The following TUB variants were observed in gnomAD, a reference collection of about 807,000 sequenced individuals.
The protein encoded by TUB is tubby protein homolog.
Under a neutral mutation model 59.7 loss-of-function variants are expected in TUB, and 33 were observed. That is an observed-to-expected ratio of 0.55 (90% CI 0.42 to 0.74). The LOEUF is 0.74. Ranked by LOEUF, TUB falls within the 30% of genes least tolerant of loss-of-function variation. The pLI, the probability that TUB is intolerant of heterozygous loss-of-function variation, is 0.00. For missense variants in TUB, 659 were observed against 672.0 expected (o/e 0.98, Z 0.21); for synonymous variants, 293 against 256.4 (o/e 1.14, Z -1.36).
rs767647798 is a variant in TUB at position 8,100,585 on chromosome 11, C to T, written c.1199C>T (p.Ser400Phe). ...PGMNMVHERV[S>F]IRPRNEHETL... ...ATGAACATGGTTCATGAGAGAGTCT[C>T]TATCCGCCCCCGCAACGTGAGTGTC... The change falls in exon 10 of 12, where the codon TCT (serine) becomes TTT (phenylalanine). Residue 400 changes from serine to phenylalanine, a missense_variant. By Grantham distance (155) the Ser-to-Phe change is radical. This residue lies in a region of TUB where 226 missense variants were observed against 210.8 expected (regional missense o/e 1.07). Transcript: ENST00000299506. 3 of 1,614,072 alleles carry T rather than the reference C, an allele frequency of 1.9e-6. No homozygotes were observed. Among genetic ancestry groups the T allele is most frequent in the Non-Finnish European group, 2.5e-6 (3 of 1,179,990 alleles).
At chr11:8,087,822 G>T (rs932718780) in intron 1 of TUB, among the ~76,000 whole-genome samples, 3 of 152,188 alleles carry the variant, frequency 2.0e-5, no homozygotes, top group Non-Finnish European at 4.4e-5. Context: ...GGCATTTTGC[G>T]CTCTGGTCCT....
At chr11:8,024,724 T>C (rs1942477269) in intron 1 of TUB, among the ~76,000 whole-genome samples, 1 of 152,230 alleles carries the variant, frequency 6.6e-6, no homozygotes, top group Non-Finnish European at 1.5e-5. Flanking sequence ...TGAAGAAGGA[T>C]TGTTAGTTTC....
chr11:8,085,456 A>T (rs530753408), intron 1 of TUB, among the ~76,000 whole-genome samples: 30 of 152,322 alleles, frequency 2.0e-4, no homozygotes, highest in African/African-American at 6.7e-4. Context: ...CTGGAGCTGC[A>T]CTGGTTCCCA....
At chr11:8,085,203 G>A (rs1039097867) in intron 1 of TUB, among the ~76,000 whole-genome samples, 15 of 152,340 alleles carry the variant, frequency 9.8e-5, no homozygotes, top group African/African-American at 3.6e-4. Context: ...ATCACCAGCT[G>A]TGGCTCGTGG....
intron 3 of TUB, among the ~76,000 whole-genome samples, chr11:8,091,774 C>A (rs1346626627): frequency 2.0e-5 from 3 of 152,160 alleles, no homozygotes; most frequent in African/African-American, 7.2e-5. Context: ...ACAGAGCTGG[C>A]CCCAGCCCCA....
intron 2 of TUB, among the ~76,000 whole-genome samples, chr11:8,066,555 G>A (rs1005548121): frequency 6.6e-6 from 1 of 152,198 alleles, no homozygotes; most frequent in Non-Finnish European, 1.5e-5. Flanking sequence ...CCTGGAGAGA[G>A]AGAGGCTGAA....
At chr11:8,087,220 A>G (rs955858073) in intron 1 of TUB, among the ~76,000 whole-genome samples, 5 of 152,234 alleles carry the variant, frequency 3.3e-5, no homozygotes, top group African/African-American at 1.2e-4. Flanking sequence ...CGGAGGTGGC[A>G]TTGCTGATGT....
intron 2 of TUB, among the ~76,000 whole-genome samples, chr11:8,069,973 C>T (rs145627504): frequency 2.0e-5 from 3 of 152,278 alleles, no homozygotes; most frequent in Non-Finnish European, 2.9e-5. Context: ...GCAGGATGGC[C>T]GCACCGTGTG....
rs1944470563 is a variant in TUB, at chr11:8,104,849, T to A, written c.*3230T>A. On this transcript the variant is annotated 3_prime_UTR_variant, in exon 12 of 12. Transcript: ENST00000299506. Reference sequence around the variant, plus strand: ...CAGGTGTTGGAAGCCAGGACTGTGATAATCAGAAGCTATAAGAGAACTTTC... The same window carrying A: ...CAGGTGTTGGAAGCCAGGACTGTGAAAATCAGAAGCTATAAGAGAACTTTC... 1 of 151,612 alleles carries A rather than the reference T, an allele frequency of 6.6e-6. No individual in the cohort carries two copies. Among genetic ancestry groups the A allele is most frequent in the Admixed American group, 6.6e-5 (1 of 15,242 alleles). 9.4% of individuals were successfully genotyped at this position (151,612 alleles called of 1,614,324 possible).
rs531701169 is a variant in TUB, at chr11:8,104,819, G to A, written c.*3200G>A. ...AGCACATAATGTCCAGATCTATGGCGAACACAGGTGTTGGAAGCCAGGACT... is the reference window on the plus strand; with the variant it reads ...AGCACATAATGTCCAGATCTATGGCAAACACAGGTGTTGGAAGCCAGGACT... On this transcript the variant is annotated 3_prime_UTR_variant, in exon 12 of 12. Coordinates refer to ENST00000299506, the MANE Select transcript of TUB (RefSeq NM_177972.3). The A allele has an allele frequency of 1.8e-4, 27 of 152,084 alleles. No individual in the cohort carries two copies. The highest frequency in any genetic ancestry group is 1.2e-3 in the Admixed American group (19 of 15,282). The allele number at this position is 152,084 out of a possible 1,614,324, so 9.4% of individuals were successfully genotyped here. A position where few individuals can be genotyped will look rare whatever the true frequency, so the allele number is the denominator to read the frequency against.
intron 1 of TUB, among the ~76,000 whole-genome samples, chr11:8,023,713 G>T (rs1157442286): frequency 6.6e-6 from 1 of 152,184 alleles, no homozygotes; most frequent in East Asian, 1.9e-4. Context: ...CTTGGACATT[G>T]ACCTTGACCT....
rs1944009947 is a variant in TUB at position 8,096,722 on chromosome 11, G to A, written c.603G>A (p.Glu201=). 1 of 1,613,974 alleles carries A rather than the reference G, an allele frequency of 6.2e-7. No individual in the cohort carries two copies. Among genetic ancestry groups the A allele is most frequent in the Non-Finnish European group, 8.5e-7 (1 of 1,179,892 alleles). The change falls in exon 6 of 12, where the codon GAG becomes GAA. Residue 201 remains glutamate (E), a synonymous_variant. Transcript: ENST00000299506. ...SSSMSFDEDE[E]DEEENSSSSS... ...GCATGAGCTTTGACGAGGATGAGGA[G>A]GATGAGGAGGAGAATAGCTCCAGCT...
intron 2 of TUB, among the ~76,000 whole-genome samples, chr11:8,049,578 T>TATATATATAGATAG (rs1055522231): frequency 0.015 from 1,248 of 85,874 alleles, 27 homozygotes; most frequent in African/African-American, 0.031. Flanking sequence ...TATATATATA[T>TATATATATAGATAG]ATAGATAGAT....
intron 1 of TUB, among the ~76,000 whole-genome samples, chr11:8,023,159 A>T (rs1293328602): frequency 1.3e-5 from 2 of 152,130 alleles, no homozygotes; most frequent in African/African-American, 4.8e-5. Flanking sequence ...GTTGGCACAC[A>T]TGGTGGTGGA....
At chr11:8,101,358 T>G in intron 11 of TUB, 128 bp from the exon 12 acceptor site, 1 of 1,258,904 alleles carries the variant, frequency 7.9e-7, no homozygotes, top group Non-Finnish European at 1.1e-6. Context: ...CTTCCCTTTG[T>G]GATTCCCCTG....
chr11:8,078,733 G>C (rs559538244), upstream of TUB, among the ~76,000 whole-genome samples: 1 of 152,046 alleles, frequency 6.6e-6, no homozygotes, highest in South Asian at 2.1e-4. Flanking sequence ...ACATTGCTGC[G>C]TACACTGAAA....
Position 8,026,785 on chromosome 11 carries a change from T to TC in TUB, c.56+7433dup, listed in dbSNP as rs1360929271. ...TCAGTTTTTCAAGTTCTAACCCCCATCCCCCCAAAAAACCTGCTGGAATTT... is the reference window on the plus strand; with the variant it reads ...TCAGTTTTTCAAGTTCTAACCCCCATCCCCCCCAAAAAACCTGCTGGAATTT... On this transcript the variant is annotated intron_variant, in intron 1 of 11. Transcript: ENST00000534099. Among the ~76,000 whole-genome samples the TC allele has an allele frequency of 2.6e-5, 4 of 152,028 alleles. No individual in the cohort carries two copies. In the East Asian group the frequency reaches 7.7e-4, roughly 29 times the overall value.
At chr11:8,079,697 TGTGC>T (rs1943508996), upstream of TUB, among the ~76,000 whole-genome samples, 1 of 151,876 alleles carries the variant, frequency 6.6e-6, no homozygotes, top group African/African-American at 2.4e-5. Flanking sequence ...TGCGTGTGTG[TGTGC>T]ATGTGTGTAG....
At chr11:8,019,449 C>T (rs1942385456) in intron 1 of TUB, 1 of 1,201,088 alleles carries the variant, frequency 8.3e-7, no homozygotes, top group Non-Finnish European at 1.0e-6. Context: ...AGGACTGGCG[C>T]GAGCGCCCGA....
Sources: allele counts gnomAD v4.1 joint callset (sites outside exome capture counted in the v4.1 genomes callset), GRCh38; gene constraint gnomAD v4.1.1; regional missense constraint gnomAD v4.1.1; transcripts MANE v1.5; gene names NCBI Gene and HGNC (gene_info 2026-07-23, HGNC 2026-07-21).